Variants in IFT56 observed in about 807,000 individuals in gnomAD.
The protein encoded by IFT56 is intraflagellar transport protein 56.
At chr7:139,146,226 C>T in the IFT56 span, among the ~76,000 whole-genome samples, 1 of 152,172 alleles carries the variant, frequency 6.6e-6, no homozygotes, top group Non-Finnish European at 1.5e-5. Context: ...TTAAGGGTCA[C>T]TGTCAAAAAT....
chr7:139,187,430 A>G, the IFT56 span: 1 of 1,614,044 alleles, frequency 6.2e-7, no homozygotes, highest in Non-Finnish European at 8.5e-7. Flanking sequence ...CTATTCTGCC[A>G]AAGCTTTTGA....
the IFT56 span, among the ~76,000 whole-genome samples, chr7:139,175,274 A>G: frequency 6.6e-6 from 1 of 152,148 alleles, no homozygotes; most frequent in Admixed American, 6.5e-5. Flanking sequence ...ATGTACGTAC[A>G]AATGTAAATT....
chr7:139,143,991 GAA>G, the IFT56 span, among the ~76,000 whole-genome samples: 1 of 151,998 alleles, frequency 6.6e-6, no homozygotes, highest in African/African-American at 2.4e-5. Context: ...GTGCAAATTT[GAA>G]AAATATTTTA....
the IFT56 span, among the ~76,000 whole-genome samples, chr7:139,149,779 C>G: frequency 2.0e-5 from 3 of 151,896 alleles, no homozygotes; most frequent in Non-Finnish European, 2.9e-5. Flanking sequence ...TATAGGAAAC[C>G]GAGAAAACAC....
At chr7:139,143,968 C>T in the IFT56 span, among the ~76,000 whole-genome samples, 6 of 152,106 alleles carry the variant, frequency 3.9e-5, no homozygotes, top group South Asian at 2.1e-4. Flanking sequence ...AACTCATTTA[C>T]TCTCCATCTT....
At chr7:139,146,607 G>C in the IFT56 span, among the ~76,000 whole-genome samples, 2 of 151,682 alleles carry the variant, frequency 1.3e-5, no homozygotes, top group Non-Finnish European at 2.9e-5. Context: ...CTCTACCAAA[G>C]ATACAAAAAA....
the IFT56 span, chr7:139,178,457 G>A: frequency 2.0e-6 from 3 of 1,518,060 alleles, no homozygotes; most frequent in Middle Eastern, 1.7e-4. Flanking sequence ...TGGTATAACT[G>A]ATGGTTATAT....
the IFT56 span, chr7:139,173,956 C>A: frequency 3.0e-6 from 2 of 677,540 alleles, no homozygotes; most frequent in South Asian, 1.4e-5. Context: ...ATTCTTCATC[C>A]TTTGCTGCTG....
the IFT56 span, among the ~76,000 whole-genome samples, chr7:139,184,163 AAC>A: frequency 6.6e-6 from 1 of 152,196 alleles, no homozygotes; most frequent in African/African-American, 2.4e-5. Context: ...AACCACAGTA[AAC>A]ACCAAGGCCA....
chr7:139,145,078 G>A, the IFT56 span, among the ~76,000 whole-genome samples: 1 of 152,084 alleles, frequency 6.6e-6, no homozygotes, highest in African/African-American at 2.4e-5. Context: ...CTTCTGGCAG[G>A]CACATAGAAA....
the IFT56 span, chr7:139,133,994 C>A: frequency 9.2e-7 from 1 of 1,091,506 alleles, no homozygotes. Context: ...TGTGTTCCCA[C>A]GGGGGACAGG....
At chr7:139,157,471 G>A in the IFT56 span, among the ~76,000 whole-genome samples, 2 of 145,028 alleles carry the variant, frequency 1.4e-5, no homozygotes, top group Non-Finnish European at 3.0e-5. Flanking sequence ...TTTTAGTCAG[G>A]TTTTGTGCTT....
the IFT56 span, chr7:139,166,888 C>T: frequency 7.6e-6 from 12 of 1,581,202 alleles, no homozygotes; most frequent in Middle Eastern, 3.9e-4. Flanking sequence ...GAACCTACTA[C>T]TCCTCAGGTA....
At chr7:139,151,349 A>G in the IFT56 span, among the ~76,000 whole-genome samples, 1 of 152,308 alleles carries the variant, frequency 6.6e-6, no homozygotes, top group Non-Finnish European at 1.5e-5. Context: ...AAATAGAAAC[A>G]TTGAATGTAA....
At chr7:139,183,654 C>A in the IFT56 span, among the ~76,000 whole-genome samples, 1 of 150,474 alleles carries the variant, frequency 6.6e-6, no homozygotes, top group Non-Finnish European at 1.5e-5. Flanking sequence ...AATATATTTA[C>A]ATAGGTCAAA....
At chr7:139,189,465 C>G in the IFT56 span, 1 of 1,423,896 alleles carries the variant, frequency 7.0e-7, no homozygotes. Context: ...CCAGCTTCTA[C>G]TTTGACATAA....
the IFT56 span, chr7:139,168,263 T>C: frequency 4.7e-6 from 4 of 848,450 alleles, no homozygotes; most frequent in African/African-American, 3.4e-5. Flanking sequence ...ATATAAAGTA[T>C]TGAGTTAATG....
chr7:139,166,945 G>T, the IFT56 span: 1 of 1,259,202 alleles, frequency 7.9e-7, no homozygotes, highest in South Asian at 1.2e-5. Context: ...GCTAAAAGTG[G>T]AACTTCAGAA....
the IFT56 span, chr7:139,147,056 A>G: frequency 6.3e-7 from 1 of 1,580,638 alleles, no homozygotes; most frequent in Non-Finnish European, 8.6e-7. Context: ...TAAAGAAGGA[A>G]GAGTTAAAAT....
Sources: gnomAD v4.1 joint callset for allele counts (sites outside exome capture counted in the v4.1 genomes callset) on GRCh38, gnomAD v4.1.1 for gene constraint, MANE v1.5 for transcripts, NCBI Gene and HGNC (gene_info 2026-07-23, HGNC 2026-07-21) for gene names.